AFF1: variants seen among roughly 807,000 people sequenced by gnomAD.
The protein encoded by AFF1 is ALF transcription elongation factor 1.
AFF1 carries 48 observed loss-of-function variants against 121.7 expected under a neutral mutation model. That is an observed-to-expected ratio of 0.39 (90% CI 0.31 to 0.50). AFF1 has a LOEUF of 0.50. AFF1 is among the 20% of genes least tolerant of loss of function. AFF1 has a pLI of 0.76. For missense variants in AFF1, 1,523 were observed against 1,511.7 expected (o/e 1.01, Z -0.12); for synonymous variants, 613 against 563.0 (o/e 1.09, Z -1.26).
At position 87,079,902 on chromosome 4, in the gene AFF1, A is replaced by G. The variant is rs538697782; in HGVS notation, c.1060-4218A>G. Among the ~76,000 whole-genome samples, 15 of 152,332 alleles carry G rather than the reference A, an allele frequency of 9.8e-5. No homozygotes were observed. The East Asian group carries it at 2.7e-3, about 27-fold the overall frequency. On this transcript the variant is annotated intron_variant, in intron 4 of 20. Coordinates refer to ENST00000395146, the MANE Select transcript of AFF1 (RefSeq NM_001166693.3). ...GGGATGTATCTTACAGTTGATGGGT[A>G]CATTTAGTGTAGTCCCCCTACCTCC...
intron 10 of AFF1, among the ~76,000 whole-genome samples, chr4:87,106,985 G>T (rs1460921066): frequency 6.6e-6 from 1 of 152,150 alleles, no homozygotes; most frequent in African/African-American, 2.4e-5. Flanking sequence ...TCTAAAAGTG[G>T]AGGAAAAGGA....
Position 86,964,546 on chromosome 4 carries a change from C to T in AFF1, c.38+15975C>T, listed in dbSNP as rs187130509. The stretch of plus-strand genomic sequence containing the variant: ...CACCTCCTGGGTTCAAGCAATTCTC[C>T]TGCCTCAGCTCCTGAGTAGCTGGGG... On this transcript the variant is annotated intron_variant, in intron 2 of 20. Coordinates refer to ENST00000395146, the MANE Select transcript of AFF1 (RefSeq NM_001166693.3). 2.6e-3 allele frequency among the ~76,000 whole-genome samples: 396 copies of T among 151,788 alleles called. 2 individuals carry two copies. Among genetic ancestry groups the T allele is most frequent in the African/African-American group, 9.1e-3 (375 of 41,392 alleles).
chr4:86,982,197 A>C (rs1723803657), intron 2 of AFF1, among the ~76,000 whole-genome samples: 2 of 152,184 alleles, frequency 1.3e-5, no homozygotes, highest in African/African-American at 4.8e-5. Flanking sequence ...GGTGCCTCAC[A>C]AACACTTTGT....
chr4:87,052,832 T>C (rs1045447913), intron 4 of AFF1, among the ~76,000 whole-genome samples: 1 of 151,494 alleles, frequency 6.6e-6, no homozygotes, highest in Admixed American at 6.6e-5. Flanking sequence ...TAGGGCTCTG[T>C]GATTGACAGG....
At chr4:87,125,532 G>A (rs1313452699) in intron 13 of AFF1, among the ~76,000 whole-genome samples, 2 of 152,142 alleles carry the variant, frequency 1.3e-5, no homozygotes, top group Admixed American at 6.5e-5. Context: ...TTTGGACTCC[G>A]GGAGCCTGTG....
chr4:86,952,019 A>C (rs1721385087), intron 2 of AFF1, among the ~76,000 whole-genome samples: 1 of 151,790 alleles, frequency 6.6e-6, no homozygotes, highest in East Asian at 1.9e-4. Context: ...GCTATGTCTA[A>C]ATTTTATCAC....
intron 2 of AFF1, among the ~76,000 whole-genome samples, chr4:86,974,356 G>A (rs948045736): frequency 1.3e-5 from 2 of 152,094 alleles, no homozygotes; most frequent in Admixed American, 1.3e-4. Context: ...TACCATGTTG[G>A]CCAGATTGGA....
chr4:87,110,591 G>A (rs1389651993), intron 11 of AFF1, among the ~76,000 whole-genome samples: 1 of 150,092 alleles, frequency 6.7e-6, no homozygotes, highest in Admixed American at 6.7e-5. Flanking sequence ...GAATTTTTTA[G>A]CTCCCACAAA....
chr4:87,000,641 G>GTGTGTGTGTGTGTGTT (rs1725628904), intron 2 of AFF1, among the ~76,000 whole-genome samples: 2 of 149,744 alleles, frequency 1.3e-5, no homozygotes, highest in African/African-American at 4.9e-5. Context: ...GTGTGTGTGT[G>GTGTGTGTGTGTGTGTT]GCAGAGGAAG....
chr4:86,946,859 G>A (rs138571468), intron 1 of AFF1, among the ~76,000 whole-genome samples: 2,263 of 152,258 alleles, frequency 0.015, 21 homozygotes, highest in South Asian at 0.036. Context: ...AGCCCTAGGG[G>A]TGGGTGCTAT....
chr4:87,119,405 A>G (rs186386728), intron 12 of AFF1, among the ~76,000 whole-genome samples: 15 of 151,162 alleles, frequency 9.9e-5, no homozygotes, highest in Admixed American at 6.6e-4. Flanking sequence ...TCTGTGAGAC[A>G]CTGTCTCTGA....
chr4:86,995,265 C>T (rs1291974311), intron 2 of AFF1, among the ~76,000 whole-genome samples: 4 of 120,786 alleles, frequency 3.3e-5, no homozygotes, highest in Non-Finnish European at 1.8e-5. Context: ...AAAATCTACC[C>T]CCTTCCCCCT....
intron 2 of AFF1, among the ~76,000 whole-genome samples, chr4:87,009,429 T>C (rs1726502602): frequency 6.6e-6 from 1 of 152,240 alleles, no homozygotes; most frequent in South Asian, 2.1e-4. Flanking sequence ...GTTTGTAATA[T>C]GTAATAATCC....
Position 87,136,058 on chromosome 4 carries a change from A to G in AFF1, c.*357A>G, listed in dbSNP as rs543120039. 1 of 251,090 alleles carries G rather than the reference A, an allele frequency of 4.0e-6. No individual in the cohort carries two copies. Among genetic ancestry groups the G allele is most frequent in the East Asian group, 5.8e-5 (1 of 17,178 alleles). 15.6% of individuals were successfully genotyped at this position (251,090 alleles called of 1,614,324 possible). Reference sequence around the variant, plus strand: ...AATGAAATGAGGAGAAACAGTTTCAACTCTGAAAGTGAATTTCACGTCATC... The same window carrying G: ...AATGAAATGAGGAGAAACAGTTTCAGCTCTGAAAGTGAATTTCACGTCATC... On this transcript the variant is annotated 3_prime_UTR_variant, in exon 21 of 21. Transcript: ENST00000395146.
intron 1 of AFF1, among the ~76,000 whole-genome samples, chr4:86,944,279 CT>C (rs1341722390): frequency 4.6e-5 from 7 of 151,918 alleles, no homozygotes; most frequent in Admixed American, 3.9e-4. Context: ...TGTGCTAAAA[CT>C]TTTACAAACA....
intron 2 of AFF1, among the ~76,000 whole-genome samples, chr4:86,994,339 G>A (rs958172629): frequency 1.3e-5 from 2 of 152,194 alleles, no homozygotes; most frequent in Non-Finnish European, 2.9e-5. Flanking sequence ...ACTTCTCATG[G>A]TCAAATATGT....
At chr4:87,125,275 T>C in intron 13 of AFF1, 132 bp downstream of exon 13, 2 of 547,638 alleles carry the variant, frequency 3.7e-6, no homozygotes, top group Non-Finnish European at 3.0e-6. Context: ...GACAATGTAA[T>C]AAGTTTGTTT....
At position 87,034,824 on chromosome 4, in the gene AFF1, G is replaced by A. The variant is rs570198457; in HGVS notation, c.39-11342G>A. The stretch of plus-strand genomic sequence containing the variant: ...AGGTATCAATGAGTCACATTTTGTC[G>A]TTAGATAATAAATAGACTGGCAGAA... On this transcript the variant is annotated intron_variant, in intron 2 of 20. Transcript: ENST00000395146. Among the ~76,000 whole-genome samples, 73 of 151,872 alleles carry A rather than the reference G, an allele frequency of 4.8e-4. No homozygotes were observed. In the Middle Eastern group the frequency reaches 0.02, roughly 42 times the overall value.
intron 2 of AFF1, among the ~76,000 whole-genome samples, chr4:86,972,131 C>CAAAA (rs59683267): frequency 8.6e-5 from 5 of 57,956 alleles, no homozygotes; most frequent in East Asian, 6.7e-4. Context: ...GAGCTTGTCT[C>CAAAA]AAAAAAAAAA....
Sources: allele counts gnomAD v4.1 joint callset (sites outside exome capture counted in the v4.1 genomes callset), GRCh38; gene constraint gnomAD v4.1.1; transcripts MANE v1.5; gene names NCBI Gene and HGNC (gene_info 2026-07-23, HGNC 2026-07-21).